The following DCAF1 variants were observed in gnomAD, a reference collection of about 807,000 sequenced individuals.
DCAF1 encodes DDB1 and CUL4 associated factor 1.
In DCAF1, 15 loss-of-function variants were observed where a neutral mutation model predicts 128.0. The ratio of observed to expected loss-of-function variants is 0.12; its 90% confidence interval spans 0.08 to 0.18. DCAF1 has a LOEUF of 0.18. Ranked by LOEUF, DCAF1 falls within the 10% of genes least tolerant of loss-of-function variation. DCAF1 has a pLI of 1.00. For missense variants in DCAF1, 988 were observed against 1,649.5 expected, an observed-to-expected ratio of 0.60 and a Z score of 6.95; for synonymous variants, 610 against 603.0, an observed-to-expected ratio of 1.01 and a Z score of -0.17.
At chr3:51,463,821 A>T (rs1322368519) in intron 5 of DCAF1, among the ~76,000 whole-genome samples, 1 of 152,004 alleles carries the variant, frequency 6.6e-6, no homozygotes, top group African/African-American at 2.4e-5. Context: ...AACAAAAAAA[A>T]TGCCACAAAT....
intron 3 of DCAF1, among the ~76,000 whole-genome samples, chr3:51,479,624 T>C (rs1278651198): frequency 3.3e-5 from 5 of 151,634 alleles, no homozygotes; most frequent in African/African-American, 1.2e-4. Flanking sequence ...TGAAACCTCA[T>C]CTCTACTAAA....
At chr3:51,442,042 C>T (rs1246992844) in intron 7 of DCAF1, 145 bp from the exon 8 acceptor site, 2 of 1,164,728 alleles carry the variant, frequency 1.7e-6, no homozygotes, top group African/African-American at 1.5e-5. Flanking sequence ...AAATGCGTTG[C>T]TTTGATTCCT....
intron 6 of DCAF1, among the ~76,000 whole-genome samples, chr3:51,451,123 C>G (rs1702314617): frequency 9.7e-6 from 1 of 102,936 alleles, no homozygotes; most frequent in South Asian, 3.7e-4. Flanking sequence ...AGGTCTCACT[C>G]TGTCACCCAG....
At chr3:51,414,954 A>G in intron 18 of DCAF1, 97 bp from the exon 19 acceptor site, 1 of 1,464,928 alleles carries the variant, frequency 6.8e-7, no homozygotes, top group Non-Finnish European at 9.1e-7. Flanking sequence ...AAATTAACAC[A>G]CAAATTCTCC....
intron 2 of DCAF1, among the ~76,000 whole-genome samples, chr3:51,488,519 T>C (rs1441602095): frequency 2.6e-5 from 4 of 151,764 alleles, no homozygotes; most frequent in Non-Finnish European, 5.9e-5. Context: ...CTACTAAAAA[T>C]ACAAAAATTA....
At chr3:51,402,660 C>G (rs985479550) in intron 24 of DCAF1, among the ~76,000 whole-genome samples, 1 of 150,196 alleles carries the variant, frequency 6.7e-6, no homozygotes, top group Non-Finnish European at 1.5e-5. Flanking sequence ...CTGCAACCTC[C>G]GCCTCCCAGG....
upstream of DCAF1, chr3:51,500,134 A>G (rs1708714985): frequency 7.4e-6 from 1 of 135,666 alleles, no homozygotes; most frequent in African/African-American, 2.6e-5. Flanking sequence ...AAAAAAAAAA[A>G]AAAAAAAAAA....
chr3:51,403,012 A>T (rs1208598834), intron 24 of DCAF1, 131 bp downstream of exon 24: 1 of 1,415,838 alleles, frequency 7.1e-7, no homozygotes, highest in Non-Finnish European at 9.3e-7. Context: ...TTGCCTCAAG[A>T]GACCAGAGTA....
intron 9 of DCAF1, chr3:51,436,391 T>C (rs781849339): frequency 1.9e-6 from 1 of 520,162 alleles, no homozygotes; most frequent in Admixed American, 1.9e-5. Flanking sequence ...AGTTTCTGCA[T>C]GTATAACCAA....
At chr3:51,435,588 A>G (rs6445712) in intron 9 of DCAF1, among the ~76,000 whole-genome samples, 1 of 152,094 alleles carries the variant, frequency 6.6e-6, no homozygotes. Flanking sequence ...GCACACGCCT[A>G]TAATCCCAGC....
rs1445316121 is a variant in DCAF1 at position 51,440,262 on chromosome 3, C to G, written c.1128+708G>C. The G allele has an allele frequency of 1.2e-5, 5 of 413,396 alleles. No individual in the cohort carries two copies. In the Admixed American group the frequency reaches 1.6e-4, roughly 13 times the overall value. 25.6% of individuals were successfully genotyped at this position (413,396 alleles called of 1,614,324 possible). On this transcript the variant is annotated intron_variant, in intron 9 of 24. Coordinates refer to ENST00000684031, the MANE Select transcript of DCAF1 (RefSeq NM_001387579.1). ...CATCTGGCTATAGAAATAACTTGAG[C>G]AATAAAATGCAGAGAAATTACATGC... is the stretch of plus-strand genomic sequence containing the variant.
intron 9 of DCAF1, among the ~76,000 whole-genome samples, chr3:51,433,794 G>GT (rs1302721723): frequency 6.7e-6 from 1 of 149,780 alleles, no homozygotes; most frequent in East Asian, 2.1e-4. Flanking sequence ...AGATATTGCT[G>GT]TAAGGGCTGG....
chr3:51,452,144 G>C (rs1479034471), intron 6 of DCAF1, among the ~76,000 whole-genome samples: 1 of 151,748 alleles, frequency 6.6e-6, no homozygotes, highest in Non-Finnish European at 1.5e-5. Flanking sequence ...CCACCTCCTG[G>C]GCCCAAGCAA....
intron 11 of DCAF1, 82 bp from the exon 12 acceptor site, chr3:51,429,552 T>C: frequency 1.4e-6 from 1 of 723,422 alleles, no homozygotes; most frequent in Non-Finnish European, 2.6e-6. Flanking sequence ...AGGGAAAATA[T>C]TTTAGTAAAC....
chr3:51,464,629 A>G (rs1703943959), intron 5 of DCAF1, among the ~76,000 whole-genome samples: 1 of 152,048 alleles, frequency 6.6e-6, no homozygotes. Flanking sequence ...TGGGAGGTCA[A>G]GGCTGCAGTG....
chr3:51,435,584 G>A lies in DCAF1; in HGVS notation c.1129-2320C>T, dbSNP rs1219467441. 4.6e-5 allele frequency among the ~76,000 whole-genome samples: 7 copies of A among 152,074 alleles called. No individual in the cohort carries two copies. The South Asian group carries it at 8.3e-4, about 18-fold the overall frequency. On this transcript the variant is annotated intron_variant, in intron 9 of 24. Coordinates refer to ENST00000684031, the MANE Select transcript of DCAF1 (RefSeq NM_001387579.1). ...AAATTAGCCGGCCATGGTGGCACAC[G>A]CCTATAATCCCAGCTACTCAGGAGG...
intron 24 of DCAF1, 119 bp from the exon 25 acceptor site, chr3:51,398,946 G>T: frequency 7.7e-7 from 1 of 1,297,982 alleles, no homozygotes. Context: ...CCAGTTTCCA[G>T]AAAGAAGAAA....
At chr3:51,443,260 T>C (rs1165734497) in intron 7 of DCAF1, among the ~76,000 whole-genome samples, 11 of 152,294 alleles carry the variant, frequency 7.2e-5, no homozygotes, top group African/African-American at 2.6e-4. Flanking sequence ...CTATTCTTTA[T>C]TGGCATACAA....
intron 6 of DCAF1, 22 bp from the exon 7 acceptor site, chr3:51,443,925 A>T: frequency 1.3e-6 from 2 of 1,553,780 alleles, no homozygotes; most frequent in Non-Finnish European, 1.7e-6. Flanking sequence ...GAAATTAAAT[A>T]GTACATTTCG....
Sources: gnomAD v4.1 joint callset for allele counts (sites outside exome capture counted in the v4.1 genomes callset) on GRCh38, gnomAD v4.1.1 for gene constraint, MANE v1.5 for transcripts, NCBI Gene and HGNC (gene_info 2026-07-23, HGNC 2026-07-21) for gene names.